Variants in LAMC3 observed in about 807,000 individuals in gnomAD.
The protein encoded by LAMC3 is laminin subunit gamma 3, also known as laminin subunit gamma-3.
In LAMC3, 128 loss-of-function variants were observed where a neutral mutation model predicts 173.8. That is an observed-to-expected ratio of 0.74 (90% CI 0.64 to 0.85). LAMC3 has a LOEUF of 0.85. Ranked by LOEUF, LAMC3 falls within the 40% of genes least tolerant of loss-of-function variation. The probability of loss-of-function intolerance (pLI) is 0.00; values close to 1 mark genes in which losing one functional copy is unlikely to be tolerated. For synonymous variants in LAMC3, 897 were observed against 909.1 expected (o/e 0.99, Z 0.24); for missense variants, 2,022 against 2,156.0 (o/e 0.94, Z 1.23).
rs1829991370 is a variant in LAMC3, at chr9:131,068,957, A to C, written c.2797A>C (p.Thr933Pro). ...CCAGGAGGACCAGTGCCATCCCAAG[A>C]CTGGACAGTGCACCTGCCGCCCAGG... The part of the protein sequence containing the change: ...GSQEDQCHPK[T>P]GQCTCRPGVT... The change falls in exon 16 of 28, where the codon ACT becomes CCT. Residue 933 changes from threonine to proline, a missense_variant. Thr to Pro is a conservative substitution (Grantham distance 38). Transcript: ENST00000361069. 1 of 1,613,894 alleles carries C rather than the reference A, an allele frequency of 6.2e-7. No homozygotes were observed. The highest frequency in any genetic ancestry group is 2.2e-5 in the East Asian group (1 of 44,832).
At chr9:131,033,902 G>T (rs1158269761) in intron 3 of LAMC3, among the ~76,000 whole-genome samples, 1 of 152,146 alleles carries the variant, frequency 6.6e-6, no homozygotes, top group East Asian at 1.9e-4. Context: ...GCGGCATGAG[G>T]CTCAAATGCC....
intron 3 of LAMC3, among the ~76,000 whole-genome samples, chr9:131,032,547 G>GCTCT (rs1265773013): frequency 9.1e-6 from 1 of 110,244 alleles, no homozygotes; most frequent in Admixed American, 8.6e-5. Flanking sequence ...TCTCTCTCTT[G>GCTCT]CTCTCTCTCG....
chr9:131,036,414 G>C (rs1289773995), intron 4 of LAMC3, 82 bp downstream of exon 4: 1 of 1,518,530 alleles, frequency 6.6e-7, no homozygotes, highest in Non-Finnish European at 9.0e-7. Flanking sequence ...AAACGTCGTG[G>C]TGGGGGCTGC....
chr9:131,055,459 C>T (rs1264219940), intron 11 of LAMC3, among the ~76,000 whole-genome samples: 2 of 128,890 alleles, frequency 1.6e-5, no homozygotes, highest in African/African-American at 6.0e-5. Context: ...GAGTCTTGCT[C>T]TGTCACCCAG....
chr9:131,023,643 G>A (rs550913443), intron 1 of LAMC3, among the ~76,000 whole-genome samples: 102 of 152,088 alleles, frequency 6.7e-4, no homozygotes, highest in African/African-American at 2.3e-3. Flanking sequence ...AGTCTCACTC[G>A]GTTGCCCAGG....
chr9:131,062,626 T>C (rs541757269), intron 13 of LAMC3, among the ~76,000 whole-genome samples: 1 of 152,234 alleles, frequency 6.6e-6, no homozygotes, highest in Non-Finnish European at 1.5e-5. Context: ...CTCAGCACTT[T>C]GCGAGGCTGA....
chr9:131,083,496 C>A (rs1830277284), intron 24 of LAMC3, among the ~76,000 whole-genome samples: 1 of 146,958 alleles, frequency 6.8e-6, no homozygotes, highest in Non-Finnish European at 1.5e-5. Context: ...GGCCGGGGGT[C>A]TCCTAGCCTA....
At chr9:131,012,480 C>T (rs1007828326) in intron 1 of LAMC3, among the ~76,000 whole-genome samples, 15 of 152,238 alleles carry the variant, frequency 9.9e-5, no homozygotes, top group East Asian at 1.9e-4. Context: ...GGCTCCCTTG[C>T]GGGGATTGAG....
chr9:131,024,418 T>G (rs1283695567), intron 1 of LAMC3, among the ~76,000 whole-genome samples: 5 of 152,144 alleles, frequency 3.3e-5, no homozygotes, highest in Non-Finnish European at 5.9e-5. Flanking sequence ...AGTGCTAGGA[T>G]TACAGGCATG....
At chr9:131,082,930 C>A (rs1398137758) in intron 24 of LAMC3, among the ~76,000 whole-genome samples, 1 of 152,208 alleles carries the variant, frequency 6.6e-6, no homozygotes, top group Non-Finnish European at 1.5e-5. Flanking sequence ...GGACCCAGCC[C>A]CTCTGGGGCA....
intron 1 of LAMC3, among the ~76,000 whole-genome samples, chr9:131,017,908 C>T (rs1237368332): frequency 6.6e-6 from 1 of 151,602 alleles, no homozygotes; most frequent in Non-Finnish European, 1.5e-5. Context: ...TGCCTGTAAT[C>T]CCAGCTACCC....
chr9:131,026,749 G>A lies in LAMC3; in HGVS notation c.678+160G>A, dbSNP rs949826309. 1.3e-5 allele frequency among the ~76,000 whole-genome samples: 2 copies of A among 152,040 alleles called. No individual in the cohort carries two copies. The highest frequency in any genetic ancestry group is 4.8e-5 in the African/African-American group (2 of 41,378). ...TTTGGAGACTGAGTCTTGCTCTGTC[G>A]CCCAGGCTGGAGTGCAGTGACGCGA... On this transcript the variant is annotated intron_variant, in intron 2 of 27. Transcript: ENST00000361069. The surrounding 1 kb of genome is among the most constrained non-coding windows in gnomAD (Gnocchi z 4.8).
intron 27 of LAMC3, among the ~76,000 whole-genome samples, chr9:131,089,780 A>G (rs536045070): frequency 1.3e-5 from 2 of 150,730 alleles, no homozygotes; most frequent in Non-Finnish European, 3.0e-5. Context: ...TTTCATTCGT[A>G]GTAAGAGGAG....
intron 17 of LAMC3, among the ~76,000 whole-genome samples, chr9:131,070,132 G>T (rs1418198696): frequency 6.6e-6 from 1 of 152,226 alleles, no homozygotes; most frequent in Non-Finnish European, 1.5e-5. Flanking sequence ...CTCAGGTTCG[G>T]TGGGGATGAG....
At position 131,071,538 on chromosome 9, in the gene LAMC3, G is replaced by T; in HGVS notation, c.3124G>T (p.Asp1042Tyr). ...TLTEGWLQGS[D>Y]CGSPWGPLDI... ...GACGGAGGGGTGGCTCCAAGGGTCCGACTGTGGCAGTCCCTGGGGACCACT... is the reference window on the plus strand; with the variant it reads ...GACGGAGGGGTGGCTCCAAGGGTCCTACTGTGGCAGTCCCTGGGGACCACT... The change falls in exon 18 of 28, where the codon GAC becomes TAC. Residue 1042 changes from aspartate (D) to tyrosine (Y), a missense_variant. By Grantham distance (160) the Asp-to-Tyr change is radical. Coordinates refer to ENST00000361069, the MANE Select transcript of LAMC3 (RefSeq NM_006059.4). 2.5e-6 allele frequency: 4 copies of T among 1,613,696 alleles called. No individual in the cohort carries two copies. Among genetic ancestry groups the T allele is most frequent in the South Asian group, 2.2e-5 (2 of 90,990 alleles).
intron 1 of LAMC3, among the ~76,000 whole-genome samples, chr9:131,021,588 C>T (rs901533895): frequency 4.6e-5 from 7 of 152,134 alleles, no homozygotes; most frequent in Admixed American, 3.9e-4. Context: ...GTTTTTCCCC[C>T]ACCCAACAAG....
chr9:131,036,469 C>T (rs1833947711), intron 4 of LAMC3, 137 bp downstream of exon 4: 2 of 955,428 alleles, frequency 2.1e-6, no homozygotes, highest in Non-Finnish European at 3.2e-6. Flanking sequence ...TGTGCTGCTG[C>T]AGAGATAAGG....
chr9:131,038,160 G>A (rs770975988), intron 4 of LAMC3, among the ~76,000 whole-genome samples: 1 of 152,122 alleles, frequency 6.6e-6, no homozygotes, highest in Non-Finnish European at 1.5e-5. Flanking sequence ...GATTCAGCGC[G>A]GCCATGACTT....
intron 12 of LAMC3, among the ~76,000 whole-genome samples, chr9:131,058,437 C>A (rs984225016): frequency 1.3e-5 from 2 of 151,112 alleles, no homozygotes; most frequent in Non-Finnish European, 2.9e-5. Flanking sequence ...TTTATAGGAG[C>A]AGACCTGGCC....
Sources: allele counts gnomAD v4.1 joint callset (sites outside exome capture counted in the v4.1 genomes callset), GRCh38; gene constraint gnomAD v4.1.1; non-coding constraint Gnocchi (gnomAD v3.1); transcripts MANE v1.5; gene names NCBI Gene and HGNC (gene_info 2026-07-23, HGNC 2026-07-21).